Variants in IGF2BP3 observed in about 807,000 individuals in gnomAD.
IGF2BP3 encodes the protein insulin like growth factor 2 mRNA binding protein 3, also known as insulin-like growth factor 2 mRNA-binding protein 3.
In IGF2BP3, 9 loss-of-function variants were observed where a neutral mutation model predicts 73.8. The ratio of observed to expected loss-of-function variants is 0.12; its 90% confidence interval spans 0.07 to 0.21. The LOEUF (loss-of-function observed/expected upper bound fraction) is 0.21, where lower values mean the gene tolerates loss of function less well. IGF2BP3 is among the 10% of genes least tolerant of loss of function. IGF2BP3 has a pLI of 1.00. For synonymous variants in IGF2BP3, 258 were observed against 256.7 expected (o/e 1.01, Z -0.05); for missense variants, 542 against 714.0 (o/e 0.76, Z 2.75).
intron 3 of IGF2BP3, among the ~76,000 whole-genome samples, chr7:23,369,051 A>G (rs1199395741): frequency 1.1e-4 from 16 of 152,190 alleles, no homozygotes; most frequent in Non-Finnish European, 2.1e-4. Context: ...TAAACTCTGA[A>G]GTATTATTGA....
Position 23,312,719 on chromosome 7 carries a change from T to C in IGF2BP3, c.1641+16A>G, listed in dbSNP as rs200980355. ...ACGTGAGAAAGATACAATAGCTTATTTTAGAGCCCACTTGCCTGGCAAGCA... is the reference window on the plus strand; with the variant it reads ...ACGTGAGAAAGATACAATAGCTTATCTTAGAGCCCACTTGCCTGGCAAGCA... On this transcript the variant is annotated intron_variant, in intron 14 of 14. Transcript: ENST00000258729. The C allele has an allele frequency of 1.9e-6, 3 of 1,542,486 alleles. No homozygotes were observed. The highest frequency in any genetic ancestry group is 2.7e-6 in the Non-Finnish European group (3 of 1,119,412).
chr7:23,434,410 G>T (rs1787760142), intron 2 of IGF2BP3, among the ~76,000 whole-genome samples: 1 of 152,178 alleles, frequency 6.6e-6, no homozygotes, highest in African/African-American at 2.4e-5. Context: ...AAAGCTTGAA[G>T]ACTGTTTCCC....
intron 2 of IGF2BP3, among the ~76,000 whole-genome samples, chr7:23,426,020 G>A (rs1460874492): frequency 6.6e-6 from 1 of 151,760 alleles, no homozygotes; most frequent in Non-Finnish European, 1.5e-5. Context: ...AATGGTGCCA[G>A]CAGTCCTTAA....
rs1434678024 is a variant in IGF2BP3 at position 23,311,477 on chromosome 7, T to TA, written c.*884dup. On this transcript the variant is annotated 3_prime_UTR_variant, in exon 15 of 15. Transcript: ENST00000258729. ...CCAAAATCTCCTGCGACCACTTTGT[T>TA]AGTACCGTCAAAAACTTTCCCAACT... The TA allele has an allele frequency of 1.3e-5, 2 of 152,576 alleles. No homozygotes were observed. Among genetic ancestry groups the TA allele is most frequent in the Non-Finnish European group, 2.9e-5 (2 of 68,038 alleles). 9.5% of individuals were successfully genotyped at this position (152,576 alleles called of 1,614,324 possible).
At chr7:23,344,095 A>G (rs911842350) in intron 8 of IGF2BP3, among the ~76,000 whole-genome samples, 1 of 152,234 alleles carries the variant, frequency 6.6e-6, no homozygotes, top group Admixed American at 6.5e-5. Flanking sequence ...GGATACATAT[A>G]GTTCAATCAA....
chr7:23,453,840 TTTTG>T (rs1416604402), intron 2 of IGF2BP3, among the ~76,000 whole-genome samples: 1 of 152,148 alleles, frequency 6.6e-6, no homozygotes, highest in East Asian at 1.9e-4. Flanking sequence ...AGGGTGTTTT[TTTTG>T]TTTGTTTTGC....
chr7:23,376,007 T>A (rs1785705737), intron 3 of IGF2BP3, among the ~76,000 whole-genome samples: 1 of 152,202 alleles, frequency 6.6e-6, no homozygotes, highest in Non-Finnish European at 1.5e-5. Flanking sequence ...CATGAGCAGT[T>A]CTCAACATCC....
intron 3 of IGF2BP3, among the ~76,000 whole-genome samples, chr7:23,381,023 G>C (rs896936073): frequency 6.6e-6 from 1 of 152,150 alleles, no homozygotes; most frequent in African/African-American, 2.4e-5. Flanking sequence ...TTTTACTGTG[G>C]AAGGCCATTC....
At chr7:23,408,993 G>A (rs114749951) in intron 3 of IGF2BP3, among the ~76,000 whole-genome samples, 2,383 of 152,174 alleles carry the variant, frequency 0.016, 79 homozygotes, top group African/African-American at 0.055. Flanking sequence ...GATGGCTTCA[G>A]GATGAAACTG....
At chr7:23,355,698 C>A (rs1028310743) in intron 5 of IGF2BP3, among the ~76,000 whole-genome samples, 5 of 151,978 alleles carry the variant, frequency 3.3e-5, no homozygotes, top group African/African-American at 1.2e-4. Flanking sequence ...TTCGGGAGAC[C>A]AAGATGGGTG....
At chr7:23,445,288 G>A (rs1040458401) in intron 2 of IGF2BP3, among the ~76,000 whole-genome samples, 6 of 152,126 alleles carry the variant, frequency 3.9e-5, no homozygotes, top group African/African-American at 1.4e-4. Context: ...TTAATTTAGA[G>A]AAAACTACTT....
chr7:23,393,855 C>T (rs775679139), intron 3 of IGF2BP3, among the ~76,000 whole-genome samples: 19 of 152,062 alleles, frequency 1.2e-4, no homozygotes, highest in Non-Finnish European at 2.5e-4. Flanking sequence ...CTTGAGAGTC[C>T]CTCCTGCTGC....
chr7:23,372,038 T>C (rs1431408850), intron 3 of IGF2BP3, among the ~76,000 whole-genome samples: 2 of 152,164 alleles, frequency 1.3e-5, no homozygotes, highest in African/African-American at 4.8e-5. Context: ...CAATAGGTTT[T>C]TGGAGAATAG....
At chr7:23,347,200 T>C (rs1361998975) in intron 7 of IGF2BP3, among the ~76,000 whole-genome samples, 4 of 152,110 alleles carry the variant, frequency 2.6e-5, no homozygotes, top group African/African-American at 9.7e-5. Context: ...ACTTAGGCAC[T>C]TCCCCACCTC....
In IGF2BP3 at chr7:23,460,709, G is replaced by A. The variant is rs138737142; in HGVS notation, c.236+7773C>T. Among the ~76,000 whole-genome samples the A allele has an allele frequency of 2.0e-3, 300 of 152,192 alleles. 1 individual carries two copies. Among genetic ancestry groups the A allele is most frequent in the African/African-American group, 6.5e-3 (269 of 41,534 alleles). On this transcript the variant is annotated intron_variant, in intron 2 of 14. Transcript: ENST00000258729. ...TCACGCCTGTAATCCCAACACTTTG[G>A]GAGGCCGAGACAGGTGGATCACCTG...
At chr7:23,463,195 T>C (rs1206103680) in intron 2 of IGF2BP3, among the ~76,000 whole-genome samples, 3 of 152,190 alleles carry the variant, frequency 2.0e-5, no homozygotes, top group Non-Finnish European at 4.4e-5. Context: ...CTTCCAAAAA[T>C]TAGTTATTGC....
intron 10 of IGF2BP3, among the ~76,000 whole-genome samples, chr7:23,319,466 T>C (rs1030625751): frequency 6.6e-6 from 1 of 152,182 alleles, no homozygotes; most frequent in African/African-American, 2.4e-5. Flanking sequence ...AAATTTCACT[T>C]TTCTCTACTG....
At chr7:23,426,922 T>C (rs572887834) in intron 2 of IGF2BP3, among the ~76,000 whole-genome samples, 2 of 152,332 alleles carry the variant, frequency 1.3e-5, no homozygotes, top group African/African-American at 2.4e-5. Flanking sequence ...AGAACAAGTG[T>C]CCCTCATCAA....
chr7:23,322,886 C>G (rs1050892495), intron 10 of IGF2BP3, among the ~76,000 whole-genome samples: 2 of 152,122 alleles, frequency 1.3e-5, no homozygotes, highest in Non-Finnish European at 2.9e-5. Flanking sequence ...GATTTTGTCA[C>G]CACCAGGCCT....
Sources: gnomAD v4.1 joint callset for allele counts (sites outside exome capture counted in the v4.1 genomes callset) on GRCh38, gnomAD v4.1.1 for gene constraint, MANE v1.5 for transcripts, NCBI Gene and HGNC (gene_info 2026-07-23, HGNC 2026-07-21) for gene names.